The following RBFOX1 variants were observed in gnomAD, a reference collection of about 807,000 sequenced individuals.
RBFOX1 encodes RNA binding protein fox-1 homolog 1.
A neutral mutation model predicts 57.7 loss-of-function variants in RBFOX1; 8 were observed. The ratio of observed to expected loss-of-function variants is 0.14; its 90% CI spans 0.08 to 0.25. RBFOX1 has a LOEUF of 0.25. Ranked by LOEUF, RBFOX1 falls within the 10% of genes least tolerant of loss-of-function variation. The pLI is 1.00. For synonymous variants in RBFOX1, 326 were observed against 222.4 expected, an observed-to-expected ratio of 1.47 and a Z score of -4.15; for missense variants, 611 against 548.5, an observed-to-expected ratio of 1.11 and a Z score of -1.14.
intron 4 of RBFOX1, among the ~76,000 whole-genome samples, chr16:7,334,558 C>T (rs1458540169): frequency 6.6e-6 from 1 of 152,134 alleles, no homozygotes; most frequent in African/African-American, 2.4e-5. Flanking sequence ...TTTGAAAGTT[C>T]TCATAAGTTC....
chr16:7,322,141 C>G (rs540148771), intron 4 of RBFOX1, among the ~76,000 whole-genome samples: 32 of 152,340 alleles, frequency 2.1e-4, no homozygotes, highest in African/African-American at 7.5e-4. Context: ...TTCCCCTGGT[C>G]TGAAGCTGGA....
chr16:6,807,801 C>T (rs112282706), intron 3 of RBFOX1, among the ~76,000 whole-genome samples: 218 of 151,480 alleles, frequency 1.4e-3, no homozygotes, highest in African/African-American at 4.9e-3. Flanking sequence ...GGTGACAGAG[C>T]GAGACTCCAT....
chr16:6,122,897 G>C (rs893333546), intron 1 of RBFOX1, among the ~76,000 whole-genome samples: 1 of 150,660 alleles, frequency 6.6e-6, no homozygotes, highest in African/African-American at 2.4e-5. Context: ...AAGTAGAAAA[G>C]ATATTAGTTT....
intron 3 of RBFOX1, among the ~76,000 whole-genome samples, chr16:6,817,595 A>C (rs2090362700): frequency 6.6e-6 from 1 of 151,254 alleles, no homozygotes; most frequent in African/African-American, 2.4e-5. Flanking sequence ...AATTGCAGCT[A>C]CTCGGGAGGC....
At position 6,200,023 on chromosome 16, in the gene RBFOX1, G is replaced by A. The variant is rs892444214; in HGVS notation, c.-126-116972G>A. On this transcript the variant is annotated intron_variant, in intron 1 of 15. Coordinates refer to ENST00000550418, the MANE Select transcript of RBFOX1 (RefSeq NM_018723.4). ...AGCAGGGGTTGATGGAGATAGCCAG[G>A]CCTAGAGATGGCACCATTTGGAAGA... is the stretch of plus-strand genomic sequence containing the variant. Among the ~76,000 whole-genome samples the A allele has an allele frequency of 5.9e-5, 9 of 152,138 alleles. No individual in the cohort carries two copies. The East Asian group carries it at 7.7e-4, about 13-fold the overall frequency.
chr16:5,790,231 C>G (rs2880432), intron 3 of RBFOX1, among the ~76,000 whole-genome samples: 150,446 of 152,326 alleles, frequency 0.99, 74,305 homozygotes, highest in East Asian at 1. Context: ...AAGGTCAGTT[C>G]CATGGCCATG....
Position 7,051,617 on chromosome 16 carries a change from A to C in RBFOX1, c.-15-440A>C, listed in dbSNP as rs568925197. 6.6e-5 allele frequency among the ~76,000 whole-genome samples: 10 copies of C among 152,340 alleles called. No homozygotes were observed. The South Asian group carries it at 2.1e-3, about 32-fold the overall frequency. ...CAGTTGCCAAGGCATGACAACTGAC[A>C]CTACTGGCCCTAAACATTGGAGAAG... On this transcript the variant is annotated intron_variant, in intron 3 of 15. Transcript: ENST00000550418.
At chr16:5,324,370 G>T (rs958807176) in intron 1 of RBFOX1, among the ~76,000 whole-genome samples, 2 of 152,180 alleles carry the variant, frequency 1.3e-5, no homozygotes, top group Non-Finnish European at 2.9e-5. Context: ...GGCTGAGGCA[G>T]GAGAATCACT....
At chr16:5,454,243 G>A (rs1272420650) in intron 1 of RBFOX1, among the ~76,000 whole-genome samples, 4 of 152,210 alleles carry the variant, frequency 2.6e-5, no homozygotes, top group Non-Finnish European at 5.9e-5. Context: ...CTTCCCTCTG[G>A]AGGGAATAGT....
At position 7,000,594 on chromosome 16, in the gene RBFOX1, TTC is replaced by T. The variant is rs1568307122; in HGVS notation, c.-15-51461_-15-51460del. Among the ~76,000 whole-genome samples the T allele has an allele frequency of 4.9e-4, 45 of 91,474 alleles. 3 individuals are homozygous for T. Among genetic ancestry groups the T allele is most frequent in the African/African-American group, 1.6e-3 (42 of 26,778 alleles). 60.0% of individuals were successfully genotyped at this position (91,474 alleles called of 152,430 possible). A position where few individuals can be genotyped will look rare whatever the true frequency, so the allele number is the denominator to read the frequency against. On this transcript the variant is annotated intron_variant, in intron 3 of 15. Coordinates refer to ENST00000550418, the MANE Select transcript of RBFOX1 (RefSeq NM_018723.4). ...CTTTTCTTTTTTTCTTTCTTTTTCT[TTC>T]TTTTTTTTTTTTTTTTTTTTTGAGA... is the stretch of plus-strand genomic sequence containing the variant.
chr16:7,196,628 A>C (rs921425229), intron 4 of RBFOX1, among the ~76,000 whole-genome samples: 2 of 152,224 alleles, frequency 1.3e-5, no homozygotes, highest in Admixed American at 6.5e-5. Flanking sequence ...CAATGCCTTC[A>C]AAGAACTTGT....
intron 4 of RBFOX1, among the ~76,000 whole-genome samples, chr16:5,895,119 T>G (rs112348079): frequency 1.3e-5 from 2 of 152,212 alleles, no homozygotes; most frequent in African/African-American, 2.4e-5. Context: ...TAAGGGGTAT[T>G]TTTATAATAG....
chr16:6,183,445 G>T (rs1179311096), intron 1 of RBFOX1, among the ~76,000 whole-genome samples: 1 of 151,404 alleles, frequency 6.6e-6, no homozygotes, highest in African/African-American at 2.4e-5. Context: ...GCGCCATTGT[G>T]CTCCAGTCTG....
At chr16:6,704,798 T>C (rs999663132) in intron 3 of RBFOX1, 5 of 152,232 alleles carry the variant, frequency 3.3e-5, no homozygotes, top group African/African-American at 1.2e-4. Context: ...CTTCGTTTAA[T>C]TTTGCTGCGT....
At chr16:6,134,035 C>G (rs1349875572) in intron 1 of RBFOX1, among the ~76,000 whole-genome samples, 2 of 151,754 alleles carry the variant, frequency 1.3e-5, no homozygotes, top group East Asian at 1.9e-4. Context: ...CTCCTGGGTT[C>G]AAGTGATTCT....
chr16:6,075,610 A>G (rs948508823), intron 1 of RBFOX1, among the ~76,000 whole-genome samples: 1 of 152,160 alleles, frequency 6.6e-6, no homozygotes, highest in African/African-American at 2.4e-5. Context: ...CACACACACA[A>G]AGACACACAT....
intron 3 of RBFOX1, among the ~76,000 whole-genome samples, chr16:6,750,628 C>T (rs2074745977): frequency 6.6e-6 from 1 of 152,126 alleles, no homozygotes; most frequent in African/African-American, 2.4e-5. Context: ...AACATTGAGA[C>T]CCAAGTTTAA....
intron 3 of RBFOX1, among the ~76,000 whole-genome samples, chr16:6,757,460 C>T (rs12934756): frequency 0.18 from 27,338 of 152,100 alleles, 2,472 homozygotes; most frequent in African/African-American, 0.2. Context: ...TACTATTCAG[C>T]CCTGAAAAAG....
intron 4 of RBFOX1, among the ~76,000 whole-genome samples, chr16:7,293,267 A>T (rs2081875269): frequency 6.6e-6 from 1 of 152,170 alleles, no homozygotes; most frequent in Admixed American, 6.5e-5. Context: ...TGGAATTTGC[A>T]TTGTATTAGT....
Sources: allele counts gnomAD v4.1 joint callset (sites outside exome capture counted in the v4.1 genomes callset), GRCh38; gene constraint gnomAD v4.1.1; transcripts MANE v1.5; gene names NCBI Gene and HGNC (gene_info 2026-07-23, HGNC 2026-07-21).